Variants in NIPSNAP1 observed in about 807,000 individuals in gnomAD.
NIPSNAP1 encodes the protein nipsnap homolog 1.
Under a neutral mutation model 49.2 loss-of-function variants are expected in NIPSNAP1, and 25 were observed. The ratio of observed to expected loss-of-function variants is 0.51; its 90% CI spans 0.37 to 0.71. The LOEUF (loss-of-function observed/expected upper bound fraction) is 0.71. Ranked by LOEUF, NIPSNAP1 falls within the 30% of genes least tolerant of loss-of-function variation. NIPSNAP1 has a pLI of 0.00. For missense variants in NIPSNAP1, 294 were observed against 361.0 expected (o/e 0.81, Z 1.50); for synonymous variants, 143 against 140.7 (o/e 1.02, Z -0.12).
At position 29,561,872 on chromosome 22, in the gene NIPSNAP1, G is replaced by A. The variant is rs771133886; in HGVS notation, c.368-10C>T. 1.9e-6 allele frequency: 3 copies of A among 1,613,966 alleles called. No homozygotes were observed. Among genetic ancestry groups the A allele is most frequent in the South Asian group, 1.1e-5 (1 of 91,090 alleles). On this transcript the variant is annotated splice_polypyrimidine_tract_variant and intron_variant, in intron 4 of 9. Coordinates refer to ENST00000216121, the MANE Select transcript of NIPSNAP1 (RefSeq NM_003634.4). ...AATCGCCACAGGTGCACTGTTGGGG[G>A]TGAGAGGTATAGGTCAGTGAGCTGC...
intron 1 of NIPSNAP1, 66 bp from the exon 2 acceptor site, chr22:29,570,598 T>C: frequency 6.4e-7 from 1 of 1,570,252 alleles, no homozygotes; most frequent in Non-Finnish European, 8.6e-7. Flanking sequence ...TCCATCCACT[T>C]GGATGTCCTG....
rs1179313665 is a variant in NIPSNAP1, at chr22:29,580,965, C to G, written c.98+20G>C. 6.6e-7 allele frequency: 1 copy of G among 1,525,856 alleles called. No homozygotes were observed. Among genetic ancestry groups the G allele is most frequent in the South Asian group, 1.2e-5 (1 of 83,108 alleles). 94.5% of individuals were successfully genotyped at this position (1,525,856 alleles called of 1,614,324 possible). A position where few individuals can be genotyped will look rare whatever the true frequency, so the allele number is the denominator to read the frequency against. On this transcript the variant is annotated intron_variant, in intron 1 of 9. Transcript: ENST00000216121. ...CACCCCACCCCGCGCGCGTCTATCC[C>G]TGCCTGGCCGGGCTCTCACCGCGCC...
chr22:29,572,633 T>C (rs916727186), intron 1 of NIPSNAP1, among the ~76,000 whole-genome samples: 4 of 151,636 alleles, frequency 2.6e-5, no homozygotes, highest in African/African-American at 9.7e-5. Context: ...TGAGACCGTG[T>C]CTCTACAAAA....
intron 1 of NIPSNAP1, among the ~76,000 whole-genome samples, chr22:29,574,064 T>A (rs115000780): frequency 0.022 from 3,317 of 151,522 alleles, 133 homozygotes; most frequent in African/African-American, 0.075. Flanking sequence ...ACGACTAGCC[T>A]GGGCAACATG....
At position 29,561,622 on chromosome 22, in the gene NIPSNAP1, G is replaced by A. The variant is rs751022967; in HGVS notation, c.463C>T (p.Arg155Trp). ...CTCCTGGACAGCAGCATCTGGCTCC[G>A]CTCCCTTCGGAACTCCAGGTACTCC... ...NKEYLEFRRE[R>W]SQMLLSRRNQ... The change falls in exon 6 of 10, where the codon CGG becomes TGG. Residue 155 changes from arginine (R) to tryptophan (W), a missense_variant. By Grantham distance (101) the Arg-to-Trp change is moderately radical. This residue lies in a region of NIPSNAP1 where 146 missense variants were observed against 219.9 expected (regional missense o/e 0.66). Transcript: ENST00000216121. The A allele has an allele frequency of 1.1e-5, 18 of 1,613,844 alleles. No individual in the cohort carries two copies. Among genetic ancestry groups the A allele is most frequent in the South Asian group, 4.4e-5 (4 of 91,084 alleles).
At position 29,570,216 on chromosome 22, in the gene NIPSNAP1, G is replaced by A. The variant is rs2064398111; in HGVS notation, c.227-9C>T. ...AGGCTTTACATTGTGAACTGCAACA[G>A]AGGACAGAGAACAAGAAGTGAGGTA... On this transcript the variant is annotated splice_polypyrimidine_tract_variant and intron_variant, in intron 2 of 9. Transcript: ENST00000216121. The A allele has an allele frequency of 1.2e-6, 2 of 1,613,866 alleles. No homozygotes were observed. Among genetic ancestry groups the A allele is most frequent in the Non-Finnish European group, 8.5e-7 (1 of 1,179,970 alleles).
intron 1 of NIPSNAP1, among the ~76,000 whole-genome samples, chr22:29,578,356 G>C (rs1173215506): frequency 6.6e-6 from 1 of 151,094 alleles, no homozygotes; most frequent in African/African-American, 2.5e-5. Flanking sequence ...ATTTTTTATA[G>C]AGACAGGATC....
At chr22:29,567,415 T>A (rs1027413600) in intron 4 of NIPSNAP1, among the ~76,000 whole-genome samples, 3 of 152,084 alleles carry the variant, frequency 2.0e-5, no homozygotes, top group African/African-American at 7.2e-5. Flanking sequence ...GACAGACAAC[T>A]AAACAGGCAG....
chr22:29,581,112 C>T lies in NIPSNAP1; in HGVS notation c.-30G>A. 1.3e-6 allele frequency: 2 copies of T among 1,534,764 alleles called. No homozygotes were observed. Among genetic ancestry groups the T allele is most frequent in the Non-Finnish European group, 1.8e-6 (2 of 1,141,936 alleles). ...GAGCCGCAAAGGTTGCAGGAAGGCCCCGCCCCCAAGCCCTGGTGGCGGAGG... is the reference window on the plus strand; with the variant it reads ...GAGCCGCAAAGGTTGCAGGAAGGCCTCGCCCCCAAGCCCTGGTGGCGGAGG... On this transcript the variant is annotated 5_prime_UTR_variant, in exon 1 of 10. Coordinates refer to ENST00000216121, the MANE Select transcript of NIPSNAP1 (RefSeq NM_003634.4).
At chr22:29,559,276 C>A (rs1436930333) in intron 8 of NIPSNAP1, among the ~76,000 whole-genome samples, 1 of 152,142 alleles carries the variant, frequency 6.6e-6, no homozygotes, top group Non-Finnish European at 1.5e-5. Flanking sequence ...TGCGGTGGCT[C>A]ATGCCTATAA....
intron 4 of NIPSNAP1, chr22:29,564,232 C>T (rs1016338277): frequency 2.1e-5 from 9 of 438,666 alleles, no homozygotes; most frequent in Non-Finnish European, 4.2e-5. Flanking sequence ...CCAGCCTGAC[C>T]TTCACCTGTT....
At chr22:29,577,669 C>A (rs1188250001) in intron 1 of NIPSNAP1, among the ~76,000 whole-genome samples, 1 of 151,176 alleles carries the variant, frequency 6.6e-6, no homozygotes, top group Non-Finnish European at 1.5e-5. Context: ...CCGCCTCGGC[C>A]TCCCAAAGTG....
intron 4 of NIPSNAP1, among the ~76,000 whole-genome samples, chr22:29,563,209 T>A (rs146783705): frequency 6.6e-6 from 1 of 151,952 alleles, no homozygotes; most frequent in African/African-American, 2.4e-5. Flanking sequence ...GAGGTTGCAG[T>A]GAGTCAAGAT....
At chr22:29,560,851 G>T in intron 7 of NIPSNAP1, 23 bp from the exon 8 acceptor site, 1 of 1,607,576 alleles carries the variant, frequency 6.2e-7, no homozygotes. Context: ...CAATAATATG[G>T]GGCAGAAGCC....
chr22:29,560,167 T>C (rs468852), intron 8 of NIPSNAP1, among the ~76,000 whole-genome samples: 129,256 of 151,812 alleles, frequency 0.85, 55,734 homozygotes, highest in African/African-American at 0.96. Flanking sequence ...ACATTTTACT[T>C]CCTCAGAGAG....
intron 4 of NIPSNAP1, among the ~76,000 whole-genome samples, chr22:29,567,440 G>C (rs1163533399): frequency 6.6e-6 from 1 of 152,208 alleles, no homozygotes; most frequent in Non-Finnish European, 1.5e-5. Context: ...AGGGGTACAT[G>C]ATCAGGGCGT....
At chr22:29,560,263 T>A (rs964576185) in intron 8 of NIPSNAP1, among the ~76,000 whole-genome samples, 3 of 152,100 alleles carry the variant, frequency 2.0e-5, no homozygotes, top group Non-Finnish European at 4.4e-5. Context: ...TCTTCTTTTT[T>A]TTTGAGACGG....
intron 4 of NIPSNAP1, among the ~76,000 whole-genome samples, chr22:29,563,127 G>T (rs541015532): frequency 6.6e-6 from 1 of 151,624 alleles, no homozygotes; most frequent in East Asian, 2.0e-4. Flanking sequence ...TTAGTTGGGT[G>T]TGGTGGCACA....
intron 1 of NIPSNAP1, among the ~76,000 whole-genome samples, chr22:29,576,656 T>A (rs1365079074): frequency 6.6e-6 from 1 of 151,480 alleles, no homozygotes; most frequent in African/African-American, 2.5e-5. Flanking sequence ...CTGGGCGTGG[T>A]GGCTCACGCC....
Sources: gnomAD v4.1 joint callset for allele counts (sites outside exome capture counted in the v4.1 genomes callset) on GRCh38, gnomAD v4.1.1 for gene constraint, gnomAD v4.1.1 regional missense constraint, MANE v1.5 for transcripts, NCBI Gene and HGNC (gene_info 2026-07-23, HGNC 2026-07-21) for gene names.